The following MECOM variants were observed in gnomAD, a reference collection of about 807,000 sequenced individuals.
The protein encoded by MECOM is MDS1 and EVI1 complex locus.
A neutral mutation model predicts 116.3 loss-of-function variants in MECOM; 13 were observed. The observed-to-expected ratio is 0.11, with a 90% CI of 0.07 to 0.18. MECOM has a LOEUF of 0.18. MECOM is among the 10% of genes least tolerant of loss of function. The pLI is 1.00. For missense variants in MECOM, 1,299 were observed against 1,509.0 expected, an observed-to-expected ratio of 0.86 and a Z score of 2.31; for synonymous variants, 528 against 535.2, an observed-to-expected ratio of 0.99 and a Z score of 0.19.
chr3:169,334,497 CA>C (rs1364394591), intron 2 of MECOM, among the ~76,000 whole-genome samples: 2 of 152,122 alleles, frequency 1.3e-5, no homozygotes, highest in Admixed American at 6.6e-5. Context: ...CCTTGGGGAT[CA>C]GAAGTTTTAA....
intron 1 of MECOM, among the ~76,000 whole-genome samples, chr3:169,383,356 A>G (rs957138497): frequency 1.3e-5 from 2 of 152,128 alleles, no homozygotes; most frequent in Non-Finnish European, 2.9e-5. Context: ...CATGTCCAAA[A>G]TATTGTACCT....
At chr3:169,098,289 T>C (rs958540272) in intron 12 of MECOM, among the ~76,000 whole-genome samples, 1 of 152,210 alleles carries the variant, frequency 6.6e-6, no homozygotes, top group Non-Finnish European at 1.5e-5. Context: ...AGCTGTCATG[T>C]CTCCTTAGTT....
intron 2 of MECOM, among the ~76,000 whole-genome samples, chr3:169,342,778 C>A (rs535702360): frequency 6.6e-6 from 1 of 152,126 alleles, no homozygotes; most frequent in Non-Finnish European, 1.5e-5. Flanking sequence ...CTCGAGTAAA[C>A]GGAAAATCTC....
chr3:169,343,208 T>G (rs1259406384), intron 2 of MECOM, among the ~76,000 whole-genome samples: 7 of 152,304 alleles, frequency 4.6e-5, no homozygotes, highest in Admixed American at 2.0e-4. Flanking sequence ...AATAGCCTGA[T>G]AAGTTGATTT....
intron 1 of MECOM, among the ~76,000 whole-genome samples, chr3:169,587,279 A>G (rs1765879609): frequency 6.6e-6 from 1 of 152,196 alleles, no homozygotes. Context: ...AAAAGCCTGG[A>G]GCTGTCACCA....
rs548220680 is a variant in MECOM at position 169,400,141 on chromosome 3, T to A, written c.38-18617A>T. On this transcript the variant is annotated intron_variant, in intron 1 of 16. Coordinates refer to ENST00000651503, the MANE Select transcript of MECOM (RefSeq NM_004991.4). ...GAAATGGCCTGTCAATTTTATGGAG[T>A]TTCTCCTACCTTTCAAATGATTATA... Among the ~76,000 whole-genome samples, 4 of 152,280 alleles carry A rather than the reference T, an allele frequency of 2.6e-5. No homozygotes were observed. The South Asian group carries it at 8.3e-4, about 32-fold the overall frequency.
At chr3:169,515,442 C>T (rs1756508507) in intron 1 of MECOM, among the ~76,000 whole-genome samples, 1 of 152,140 alleles carries the variant, frequency 6.6e-6, no homozygotes. Context: ...CACCATTTTA[C>T]TGGGGAGATA....
chr3:169,329,043 G>A (rs1722314087), intron 2 of MECOM, among the ~76,000 whole-genome samples: 1 of 152,068 alleles, frequency 6.6e-6, no homozygotes, highest in South Asian at 2.1e-4. Flanking sequence ...AATCCTCTCT[G>A]GTGATGCTAC....
At chr3:169,203,290 C>T (rs1421285883) in intron 2 of MECOM, among the ~76,000 whole-genome samples, 1 of 151,954 alleles carries the variant, frequency 6.6e-6, no homozygotes, top group East Asian at 1.9e-4. Flanking sequence ...CTAAATGCAG[C>T]CCTTTTGAAA....
intron 2 of MECOM, chr3:169,147,381 A>G (rs1327576669): frequency 4.1e-6 from 4 of 985,356 alleles, no homozygotes; most frequent in Non-Finnish European, 4.8e-6. Flanking sequence ...TATTTCATGA[A>G]CTGTCTCTTT....
At chr3:169,594,201 G>GGCCCTC (rs1294497545) in intron 1 of MECOM, among the ~76,000 whole-genome samples, 1 of 138,634 alleles carries the variant, frequency 7.2e-6, no homozygotes, top group Admixed American at 7.3e-5. Context: ...AGTACCTCAA[G>GGCCCTC]GCCCTCCACC....
chr3:169,468,022 T>C (rs989250354), intron 1 of MECOM, among the ~76,000 whole-genome samples: 1 of 152,206 alleles, frequency 6.6e-6, no homozygotes, highest in Non-Finnish European at 1.5e-5. Flanking sequence ...CCTCTTTTTA[T>C]GTCAAGTCAT....
At chr3:169,509,085 C>G (rs1755640997) in intron 1 of MECOM, among the ~76,000 whole-genome samples, 1 of 152,152 alleles carries the variant, frequency 6.6e-6, no homozygotes, top group Non-Finnish European at 1.5e-5. Flanking sequence ...AAGAGACCTG[C>G]TATTAATGTG....
intron 1 of MECOM, among the ~76,000 whole-genome samples, chr3:169,447,222 G>A (rs1744792267): frequency 6.6e-6 from 1 of 151,992 alleles, no homozygotes; most frequent in East Asian, 1.9e-4. Flanking sequence ...AGTCTTATTG[G>A]TGCCCTCTGC....
chr3:169,272,716 C>T (rs1016353626), intron 2 of MECOM, among the ~76,000 whole-genome samples: 4 of 152,214 alleles, frequency 2.6e-5, no homozygotes, highest in Admixed American at 1.3e-4. Flanking sequence ...CACACCTGGC[C>T]GGCCCCTGTG....
chr3:169,594,077 C>T (rs942254843), intron 1 of MECOM, among the ~76,000 whole-genome samples: 26 of 147,812 alleles, frequency 1.8e-4, no homozygotes, highest in South Asian at 8.8e-4. Flanking sequence ...GCCGAGATTG[C>T]ACCACTGCAC....
chr3:169,145,125 A>G (rs1739393440), intron 2 of MECOM: 2 of 938,832 alleles, frequency 2.1e-6, no homozygotes, highest in Non-Finnish European at 3.2e-6. Flanking sequence ...AATCGAACAT[A>G]AGATAGGGAT....
intron 1 of MECOM, among the ~76,000 whole-genome samples, chr3:169,542,723 T>C (rs1760238893): frequency 6.6e-6 from 1 of 152,178 alleles, no homozygotes; most frequent in African/African-American, 2.4e-5. Context: ...CGGTGGCAAC[T>C]AAACAGCCAT....
chr3:169,404,325 T>C (rs1396054305), intron 1 of MECOM, among the ~76,000 whole-genome samples: 1 of 151,866 alleles, frequency 6.6e-6, no homozygotes, highest in Non-Finnish European at 1.5e-5. Context: ...CTTGCCTAAT[T>C]TGAAATGACA....
Sources: gnomAD v4.1 joint callset for allele counts (sites outside exome capture counted in the v4.1 genomes callset) on GRCh38, gnomAD v4.1.1 for gene constraint, MANE v1.5 for transcripts, NCBI Gene and HGNC (gene_info 2026-07-23, HGNC 2026-07-21) for gene names.